SUB1: variants seen among roughly 807,000 people sequenced by gnomAD.
The protein encoded by SUB1 is activated RNA polymerase II transcriptional coactivator p15.
In SUB1, 1 loss-of-function variant was observed where a neutral mutation model predicts 16.9. That is an observed-to-expected ratio of 0.06 (90% CI 0.02 to 0.28). The LOEUF is 0.28. Among genes scored for constraint, SUB1 ranks in the 10% least tolerant of loss-of-function variants. SUB1 has a pLI of 1.00. For missense variants in SUB1, 84 were observed against 145.2 expected, an observed-to-expected ratio of 0.58 and a Z score of 2.16; for synonymous variants, 51 against 46.9, an observed-to-expected ratio of 1.09 and a Z score of -0.36.
intron 2 of SUB1, among the ~76,000 whole-genome samples, chr5:32,591,040 A>T (rs886952201): frequency 1.3e-5 from 2 of 152,044 alleles, no homozygotes. Flanking sequence ...AAGTGCTGGG[A>T]TTACAGGTGT....
At chr5:32,595,324 C>T (rs916249990) in intron 3 of SUB1, 3 of 152,178 alleles carry the variant, frequency 2.0e-5, no homozygotes, top group African/African-American at 7.2e-5. Context: ...CAGGAAGTTC[C>T]TCTTGGCTTT....
At chr5:32,599,912 A>G (rs1739074869) in intron 4 of SUB1, among the ~76,000 whole-genome samples, 1 of 152,110 alleles carries the variant, frequency 6.6e-6, no homozygotes, top group African/African-American at 2.4e-5. Context: ...ATGCGTCGGT[A>G]TTGGAATGCT....
chr5:32,588,479 A>T (rs772993603), intron 1 of SUB1, 33 bp from the exon 2 acceptor site: 1 of 1,587,418 alleles, frequency 6.3e-7, no homozygotes, highest in East Asian at 2.3e-5. Flanking sequence ...AGAGTACCTT[A>T]TTAATTATTT....
chr5:32,595,754 T>TA (rs1257015317), intron 3 of SUB1: 1 of 152,256 alleles, frequency 6.6e-6, no homozygotes, highest in African/African-American at 2.4e-5. Context: ...TGTAGCATTT[T>TA]ACACAGCCAT....
intron 1 of SUB1, chr5:32,586,051 G>A (rs1738655006): frequency 6.6e-6 from 1 of 152,416 alleles, no homozygotes; most frequent in Non-Finnish European, 1.5e-5. Context: ...GAGCGGATGC[G>A]GGCGGGAGGG....
intron 4 of SUB1, among the ~76,000 whole-genome samples, chr5:32,599,730 T>C (rs1739069957): frequency 6.6e-6 from 1 of 152,142 alleles, no homozygotes; most frequent in Non-Finnish European, 1.5e-5. Flanking sequence ...ACTCAGCCTC[T>C]ATATGTGTTT....
intron 1 of SUB1, among the ~76,000 whole-genome samples, chr5:32,587,555 A>G (rs1233628417): frequency 1.3e-5 from 2 of 152,180 alleles, no homozygotes; most frequent in East Asian, 1.9e-4. Flanking sequence ...AATTTTAATT[A>G]TGTTCCAGAG....
chr5:32,587,286 T>A (rs1738697779), intron 1 of SUB1, among the ~76,000 whole-genome samples: 1 of 152,236 alleles, frequency 6.6e-6, no homozygotes, highest in Admixed American at 6.5e-5. Flanking sequence ...CAGCGTTTTA[T>A]GACCTGGTGT....
chr5:32,598,699 C>T (rs556320530), intron 3 of SUB1: 22 of 275,342 alleles, frequency 8.0e-5, no homozygotes, highest in South Asian at 3.3e-4. Context: ...TTAATGTTTT[C>T]GTTATTTCTA....
rs764978524 is a variant in SUB1, at chr5:32,603,544, A to G, written c.*2460A>G. On this transcript the variant is annotated 3_prime_UTR_variant, in exon 5 of 5. Transcript: ENST00000265073. ...GCATTTTACTTAAAGAACAACCACT[A>G]CAAAAGAAAATCTTTGTAATTTGAT... 6.6e-6 allele frequency: 1 copy of G among 152,188 alleles called. No homozygotes were observed. Among genetic ancestry groups the G allele is most frequent in the African/African-American group, 2.4e-5 (1 of 41,460 alleles). 9.4% of individuals were successfully genotyped at this position (152,188 alleles called of 1,614,324 possible). A position where few individuals can be genotyped will look rare whatever the true frequency, so the allele number is the denominator to read the frequency against.
At chr5:32,595,042 T>C (rs1346583137) in intron 3 of SUB1, 4 of 152,962 alleles carry the variant, frequency 2.6e-5, no homozygotes, top group Admixed American at 6.5e-5. Flanking sequence ...AAATGTGATT[T>C]CAGTGATCTT....
At chr5:32,596,410 G>A (rs1314296242) in intron 3 of SUB1, 3 of 152,104 alleles carry the variant, frequency 2.0e-5, no homozygotes, top group African/African-American at 4.8e-5. Context: ...CTATTCTATC[G>A]ATTTTTCTCC....
intron 3 of SUB1, 112 bp downstream of exon 3, chr5:32,591,797 T>G (rs552710551): frequency 2.4e-6 from 3 of 1,257,570 alleles, no homozygotes; most frequent in African/African-American, 1.6e-5. Context: ...GCCTCCTGAG[T>G]TCAAGCAGTT....
chr5:32,597,604 G>A (rs1739000615), intron 3 of SUB1: 1 of 152,138 alleles, frequency 6.6e-6, no homozygotes, highest in African/African-American at 2.4e-5. Flanking sequence ...TCATATGATA[G>A]TTTAAACAGC....
At chr5:32,590,238 T>A (rs971513849) in intron 2 of SUB1, among the ~76,000 whole-genome samples, 5 of 152,210 alleles carry the variant, frequency 3.3e-5, no homozygotes, top group Non-Finnish European at 5.9e-5. Context: ...TTTCATGTTT[T>A]ACATGTATAT....
At chr5:32,591,517 A>T (rs199718996) in intron 2 of SUB1, 46 bp from the exon 3 acceptor site, 20 of 1,550,246 alleles carry the variant, frequency 1.3e-5, no homozygotes, top group Non-Finnish European at 1.7e-5. Flanking sequence ...ACACTGGGGT[A>T]TGTTTTATTT....
intron 1 of SUB1, among the ~76,000 whole-genome samples, chr5:32,587,037 AACAAAT>A (rs1331851631): frequency 1.3e-5 from 2 of 152,280 alleles, no homozygotes; most frequent in Non-Finnish European, 2.9e-5. Context: ...TCTTGTATTA[AACAAAT>A]ACAGTGTGTG....
Position 32,587,437 on chromosome 5 carries a change from T to C in SUB1, c.-1-1075T>C, listed in dbSNP as rs1018905862. Among the ~76,000 whole-genome samples, 16 of 152,110 alleles carry C rather than the reference T, an allele frequency of 1.1e-4. 1 individual carries two copies. The highest frequency in any genetic ancestry group is 3.1e-4 in the African/African-American group (13 of 41,400). On this transcript the variant is annotated intron_variant, in intron 1 of 4. Coordinates refer to ENST00000265073, the MANE Select transcript of SUB1 (RefSeq NM_006713.4). The stretch of plus-strand genomic sequence containing the variant: ...CACTTGTAAGCAAGGCACTAAGTTA[T>C]CTATGTCTCTGGGGGGACCTGGGAA...
rs1739155861 is a variant in SUB1 at position 32,603,108 on chromosome 5, T to A, written c.*2024T>A. On this transcript the variant is annotated 3_prime_UTR_variant, in exon 5 of 5. Coordinates refer to ENST00000265073, the MANE Select transcript of SUB1 (RefSeq NM_006713.4). ...CATGTTTTCTAGTTGTTCAGCATTA[T>A]GTTAATGAAGCCTCCATATAAGGAG... is the stretch of plus-strand genomic sequence containing the variant. 2.0e-5 allele frequency: 3 copies of A among 152,144 alleles called. No individual in the cohort carries two copies. In the South Asian group the frequency reaches 6.2e-4, roughly 32 times the overall value. 9.4% of individuals were successfully genotyped at this position (152,144 alleles called of 1,614,324 possible). A position where few individuals can be genotyped will look rare whatever the true frequency, so the allele number is the denominator to read the frequency against.
Sources: allele counts gnomAD v4.1 joint callset (sites outside exome capture counted in the v4.1 genomes callset), GRCh38; gene constraint gnomAD v4.1.1; transcripts MANE v1.5; gene names NCBI Gene and HGNC (gene_info 2026-07-23, HGNC 2026-07-21).